Variants in NPAS3 observed in about 807,000 individuals in gnomAD.
The protein encoded by NPAS3 is neuronal PAS domain-containing protein 3.
In NPAS3, 14 loss-of-function variants were observed where a neutral mutation model predicts 73.1. The ratio of observed to expected loss-of-function variants is 0.19; its 90% CI spans 0.13 to 0.30. The LOEUF (loss-of-function observed/expected upper bound fraction) is 0.30, where lower values mean the gene tolerates loss of function less well. NPAS3 is among the 10% of genes least tolerant of loss of function. NPAS3 has a pLI of 1.00. For synonymous variants in NPAS3, 620 were observed against 541.5 expected, an observed-to-expected ratio of 1.14 and a Z score of -2.01; for missense variants, 1,096 against 1,250.0, an observed-to-expected ratio of 0.88 and a Z score of 1.86.
At chr14:33,802,390 A>AG (rs2138709010), downstream of NPAS3, 1 of 148,830 alleles carries the variant, frequency 6.7e-6, no homozygotes, top group East Asian at 2.0e-4. Context: ...AAAAAAAAAA[A>AG]AGAAAAAAAA....
intron 5 of NPAS3, among the ~76,000 whole-genome samples, chr14:33,573,714 C>A (rs1216530839): frequency 6.6e-6 from 1 of 151,970 alleles, no homozygotes; most frequent in Non-Finnish European, 1.5e-5. Flanking sequence ...TTCCTTTAGA[C>A]CCTTGGGAGC....
At chr14:33,283,968 G>A (rs140313714) in intron 3 of NPAS3, among the ~76,000 whole-genome samples, 108 of 152,158 alleles carry the variant, frequency 7.1e-4, no homozygotes, top group African/African-American at 2.3e-3. Flanking sequence ...ACTTCTTTGC[G>A]TGCACATTAC....
At chr14:33,777,249 A>G (rs2062848396) in intron 8 of NPAS3, among the ~76,000 whole-genome samples, 1 of 152,148 alleles carries the variant, frequency 6.6e-6, no homozygotes, top group South Asian at 2.1e-4. Context: ...GTTTTAAGAA[A>G]ACACCGACTA....
intron 4 of NPAS3, among the ~76,000 whole-genome samples, chr14:33,409,482 T>C (rs2047820863): frequency 6.6e-6 from 1 of 152,222 alleles, no homozygotes; most frequent in Non-Finnish European, 1.5e-5. Flanking sequence ...TATTTTATCA[T>C]TTTAAAAGAT....
At chr14:32,989,643 AAACAAC>A (rs140844361) in intron 1 of NPAS3, among the ~76,000 whole-genome samples, 273 of 151,362 alleles carry the variant, frequency 1.8e-3, no homozygotes, top group African/African-American at 5.6e-3. Context: ...ACTCGGTCTC[AAACAAC>A]AACAACAACA....
chr14:33,191,502 A>G (rs563931568), intron 2 of NPAS3, among the ~76,000 whole-genome samples: 2 of 152,336 alleles, frequency 1.3e-5, no homozygotes, highest in East Asian at 3.9e-4. Context: ...TGAGAGTCAT[A>G]GGTCATTGCC....
chr14:33,499,961 C>G (rs993249259), intron 4 of NPAS3, among the ~76,000 whole-genome samples: 1 of 151,932 alleles, frequency 6.6e-6, no homozygotes, highest in Non-Finnish European at 1.5e-5. Context: ...CTTGTGGAGT[C>G]TGAACGGAAG....
At chr14:33,674,095 G>T (rs1424498827) in intron 5 of NPAS3, among the ~76,000 whole-genome samples, 1 of 152,156 alleles carries the variant, frequency 6.6e-6, no homozygotes, top group African/African-American at 2.4e-5. Context: ...TGCCCTAGAT[G>T]TGCCATACTC....
At chr14:33,267,287 T>A (rs2040862023) in intron 3 of NPAS3, among the ~76,000 whole-genome samples, 1 of 152,164 alleles carries the variant, frequency 6.6e-6, no homozygotes, top group South Asian at 2.1e-4. Context: ...ATGGTGTGAA[T>A]TTTACTACAT....
chr14:33,210,747 C>A (rs1437850728), intron 2 of NPAS3, among the ~76,000 whole-genome samples: 5 of 148,960 alleles, frequency 3.4e-5, no homozygotes, highest in Non-Finnish European at 5.9e-5. Flanking sequence ...TTGAATGTCA[C>A]CTTTTATCTG....
chr14:33,171,293 G>T (rs1470167838), intron 2 of NPAS3, among the ~76,000 whole-genome samples: 2 of 152,150 alleles, frequency 1.3e-5, no homozygotes, highest in African/African-American at 4.8e-5. Flanking sequence ...AGCCTTCGTC[G>T]TTCCATTCCT....
intron 5 of NPAS3, among the ~76,000 whole-genome samples, chr14:33,594,198 A>G (rs1595233248): frequency 1.3e-5 from 2 of 152,210 alleles, no homozygotes; most frequent in East Asian, 3.9e-4. Flanking sequence ...TACAACCTAC[A>G]CATATCTTCC....
intron 4 of NPAS3, among the ~76,000 whole-genome samples, chr14:33,522,952 A>G (rs1402092550): frequency 6.6e-6 from 1 of 152,086 alleles, no homozygotes; most frequent in Non-Finnish European, 1.5e-5. Flanking sequence ...GTGTTTACTA[A>G]TTACGTCTGA....
At chr14:33,598,464 C>T (rs1370428419) in intron 5 of NPAS3, among the ~76,000 whole-genome samples, 1 of 152,176 alleles carries the variant, frequency 6.6e-6, no homozygotes, top group African/African-American at 2.4e-5. Context: ...GTGTCTAAAA[C>T]CTAGTGCCTT....
At chr14:33,109,744 T>C (rs1473651278) in intron 2 of NPAS3, among the ~76,000 whole-genome samples, 2 of 151,918 alleles carry the variant, frequency 1.3e-5, no homozygotes, top group Admixed American at 1.3e-4. Flanking sequence ...GCAATACTGT[T>C]TATGTTTTTC....
chr14:33,649,368 A>G (rs1324669277), intron 5 of NPAS3, among the ~76,000 whole-genome samples: 3 of 152,260 alleles, frequency 2.0e-5, no homozygotes, highest in African/African-American at 7.2e-5. Flanking sequence ...GGAAACCAGC[A>G]TAGTTACACC....
intron 4 of NPAS3, among the ~76,000 whole-genome samples, chr14:33,416,366 C>A (rs187205590): frequency 6.6e-6 from 1 of 152,166 alleles, no homozygotes; most frequent in Non-Finnish European, 1.5e-5. Context: ...GAGATTTTAT[C>A]TGGCTCTAGC....
chr14:33,584,928 A>T (rs1337436394), intron 5 of NPAS3, among the ~76,000 whole-genome samples: 1 of 152,202 alleles, frequency 6.6e-6, no homozygotes, highest in Admixed American at 6.5e-5. Context: ...CCTTGGGTTG[A>T]TGTAACTTGA....
At chr14:33,047,496 G>A (rs534145832) in intron 1 of NPAS3, among the ~76,000 whole-genome samples, 8 of 152,210 alleles carry the variant, frequency 5.3e-5, no homozygotes, top group East Asian at 1.9e-4. Flanking sequence ...GATTTGTACC[G>A]GTTTCTAATG....
Sources: allele counts gnomAD v4.1 joint callset (sites outside exome capture counted in the v4.1 genomes callset), GRCh38; gene constraint gnomAD v4.1.1; transcripts MANE v1.5; gene names NCBI Gene and HGNC (gene_info 2026-07-23, HGNC 2026-07-21).